USP36: variants seen among roughly 807,000 people sequenced by gnomAD.
The protein encoded by USP36 is ubiquitin specific peptidase 36.
In USP36, 59 loss-of-function variants were observed where a neutral mutation model predicts 111.5. That is an observed-to-expected ratio of 0.53 (90% CI 0.43 to 0.66). The LOEUF (loss-of-function observed/expected upper bound fraction) is 0.66, where lower values mean the gene tolerates loss of function less well. USP36 is among the 30% of genes least tolerant of loss of function. The probability of loss-of-function intolerance (pLI) is 0.00; values close to 1 mark genes in which losing one functional copy is unlikely to be tolerated. For missense variants in USP36, 1,488 were observed against 1,468.0 expected (o/e 1.01, Z -0.22); for synonymous variants, 628 against 581.0 (o/e 1.08, Z -1.16).
In USP36 at chr17:78,802,616, T is replaced by C. The variant is rs534704803; in HGVS notation, c.2811-81A>G. ...AGCGCACAGACACCCGCCTGCAACA[T>C]GGAGAAGGTGCCACCCCAGCTGTGA... On this transcript the variant is annotated intron_variant, in intron 16 of 20. Coordinates refer to ENST00000449938, the MANE Select transcript of USP36 (RefSeq NM_001385174.1). 1.6e-3 allele frequency: 2,260 copies of C among 1,382,068 alleles called. 4 individuals are homozygous for C. Among genetic ancestry groups the C allele is most frequent in the Non-Finnish European group, 1.9e-3 (1,982 of 1,020,538 alleles). 85.6% of individuals were successfully genotyped at this position (1,382,068 alleles called of 1,614,324 possible).
intron 13 of USP36, among the ~76,000 whole-genome samples, chr17:78,809,975 T>C (rs1312050306): frequency 1.3e-5 from 2 of 152,114 alleles, no homozygotes; most frequent in East Asian, 1.9e-4. Context: ...GCCTCTCGAA[T>C]AGCTGGGATT....
intron 4 of USP36, among the ~76,000 whole-genome samples, chr17:78,833,577 A>G (rs2068357675): frequency 6.6e-6 from 1 of 152,176 alleles, no homozygotes; most frequent in African/African-American, 2.4e-5. Context: ...GACCAGGGAC[A>G]TTCTCAAAAA....
At chr17:78,811,840 C>T (rs2094065756) in intron 13 of USP36, among the ~76,000 whole-genome samples, 1 of 151,936 alleles carries the variant, frequency 6.6e-6, no homozygotes, top group Non-Finnish European at 1.5e-5. Flanking sequence ...TGCACTCCAG[C>T]CTGGGCGACA....
chr17:78,802,738 C>T (rs561079254), intron 16 of USP36, among the ~76,000 whole-genome samples: 3 of 152,158 alleles, frequency 2.0e-5, no homozygotes, highest in East Asian at 1.9e-4. Flanking sequence ...AAACCAGTCG[C>T]GTTTCCCATC....
In USP36 at chr17:78,803,196, C is replaced by T. The variant is rs2093799697; in HGVS notation, c.2810+189G>A. ...AAGTGATCCACCCGCCTCAGCCTCC[C>T]AAAGTGCTAGGATTACAGGTGTGAG... On this transcript the variant is annotated intron_variant, in intron 16 of 20. Coordinates refer to ENST00000449938, the MANE Select transcript of USP36 (RefSeq NM_001385174.1). The surrounding 1 kb of genome is among the most constrained non-coding windows in gnomAD (Gnocchi z 4.6). Among the ~76,000 whole-genome samples, 1 of 152,122 alleles carries T rather than the reference C, an allele frequency of 6.6e-6. No individual in the cohort carries two copies. The highest frequency in any genetic ancestry group is 6.6e-5 in the Admixed American group (1 of 15,264).
chr17:78,794,643 G>T (rs927722118), downstream of USP36, among the ~76,000 whole-genome samples: 4 of 152,190 alleles, frequency 2.6e-5, no homozygotes, highest in African/African-American at 7.2e-5. Flanking sequence ...GGAAAAGCCT[G>T]TCAGGCGCGG....
intron 4 of USP36, among the ~76,000 whole-genome samples, chr17:78,831,558 A>G (rs965962645): frequency 2.0e-5 from 3 of 152,124 alleles, no homozygotes; most frequent in Non-Finnish European, 2.9e-5. Context: ...GGTTGCAGTG[A>G]GCCGAGACTG....
At chr17:78,831,962 A>AG (rs398031703) in intron 4 of USP36, among the ~76,000 whole-genome samples, 1 of 151,072 alleles carries the variant, frequency 6.6e-6, no homozygotes, top group Non-Finnish European at 1.5e-5. Flanking sequence ...AAAAAAAAAA[A>AG]GCTTCTTTCA....
At chr17:78,799,553 C>T (rs1056371731) in intron 18 of USP36, 114 bp downstream of exon 18, 18 of 907,524 alleles carry the variant, frequency 2.0e-5, no homozygotes, top group Non-Finnish European at 3.1e-5. Flanking sequence ...ATTCTCAAAG[C>T]CGAGCGATGC....
Position 78,838,371 on chromosome 17 carries a change from C to CAAAAAAAAAA in USP36, c.-10+206_-10+215dup, listed in dbSNP as rs1195525371. ...TGGGCAACAGAGCAAGACTTGGTCT[C>CAAAAAAAAAA]AAAAAAAAAAAAAAACAAAAAACAA... On this transcript the variant is annotated intron_variant, in intron 2 of 20. Transcript: ENST00000449938. Among the ~76,000 whole-genome samples the CAAAAAAAAAA allele has an allele frequency of 3.2e-4, 19 of 58,494 alleles. 2 individuals are homozygous for CAAAAAAAAAA. Among genetic ancestry groups the CAAAAAAAAAA allele is most frequent in the African/African-American group, 9.8e-4 (17 of 17,392 alleles). 38.4% of individuals were successfully genotyped at this position (58,494 alleles called of 152,430 possible). A position where few individuals can be genotyped will look rare whatever the true frequency, so the allele number is the denominator to read the frequency against.
At chr17:78,835,913 T>A (rs1453763997) in intron 3 of USP36, 198 bp downstream of exon 3, 2 of 768,630 alleles carry the variant, frequency 2.6e-6, no homozygotes, top group East Asian at 5.4e-5. Flanking sequence ...AGTACACAGA[T>A]CCACCAAGCA....
Position 78,799,704 on chromosome 17 carries a change from C to T in USP36, c.3087G>A (p.Leu1029=). 6.2e-7 allele frequency: 1 copy of T among 1,613,192 alleles called. No homozygotes were observed. The highest frequency in any genetic ancestry group is 1.3e-5 in the African/African-American group (1 of 74,968). The change falls in exon 18 of 21, where the codon CTG becomes CTA. Residue 1029 remains leucine, a synonymous_variant. Coordinates refer to ENST00000449938, the MANE Select transcript of USP36 (RefSeq NM_001385174.1). Reference sequence around the variant, plus strand: ...AAGCTTTATCAGATGAGTATTTGAGCAGTTCCTGGACCACATCAGACTCCC... The same window carrying T: ...AAGCTTTATCAGATGAGTATTTGAGTAGTTCCTGGACCACATCAGACTCCC... ...GERESDVVQE[L]LKYSSDKAYG... is the part of the protein sequence containing the mutation.
chr17:78,813,089 G>T, intron 12 of USP36, 88 bp from the exon 13 acceptor site: 1 of 1,538,474 alleles, frequency 6.5e-7, no homozygotes, highest in Non-Finnish European at 8.9e-7. Flanking sequence ...CGGGGCAAAG[G>T]CAGAAACACG....
intron 13 of USP36, among the ~76,000 whole-genome samples, chr17:78,809,314 TC>T (rs2093991964): frequency 6.6e-6 from 1 of 152,200 alleles, no homozygotes; most frequent in African/African-American, 2.4e-5. Context: ...TCTATTTTCT[TC>T]CAAGTTTTGT....
Position 78,827,240 on chromosome 17 carries a change from C to A in USP36, c.689+5G>T, listed in dbSNP as rs769800839. 1 of 1,611,472 alleles carries A rather than the reference C, an allele frequency of 6.2e-7. No homozygotes were observed. The highest frequency in any genetic ancestry group is 8.5e-7 in the Non-Finnish European group (1 of 1,179,554). On this transcript the variant is annotated splice_donor_5th_base_variant and intron_variant, in intron 6 of 20. Transcript: ENST00000449938. ...CCCTGGGAGGGTGGGTGGGGAAGCA[C>A]GCACTTGGCACAGCCATTCAGGCAG...
In USP36 at chr17:78,810,776, G is replaced by C. The variant is rs1475582819; in HGVS notation, c.1407+2084C>G. ...AAAGGCCCTGACTGCCTGTGTGTGG[G>C]GTTCAACTCTTCATTCTAAAGGGAG... On this transcript the variant is annotated intron_variant, in intron 13 of 20. Transcript: ENST00000449938. Among the ~76,000 whole-genome samples, 5 of 152,188 alleles carry C rather than the reference G, an allele frequency of 3.3e-5. No individual in the cohort carries two copies. In the East Asian group the frequency reaches 9.6e-4, roughly 29 times the overall value.
At position 78,819,399 on chromosome 17, in the gene USP36, C is replaced by G. The variant is rs140862933; in HGVS notation, c.911+531G>C. 1.9e-3 allele frequency among the ~76,000 whole-genome samples: 289 copies of G among 152,334 alleles called. 3 individuals are homozygous for G. The highest frequency in any genetic ancestry group is 6.6e-3 in the African/African-American group (274 of 41,572). On this transcript the variant is annotated intron_variant, in intron 9 of 20. Coordinates refer to ENST00000449938, the MANE Select transcript of USP36 (RefSeq NM_001385174.1). ...CCAGCCTGGCCAACAAGGTGAAACCCTGTCACTACTAAAAATGCAACAAAT... is the reference window on the plus strand; with the variant it reads ...CCAGCCTGGCCAACAAGGTGAAACCGTGTCACTACTAAAAATGCAACAAAT...
At chr17:78,805,288 A>G (rs1306071471) in intron 15 of USP36, among the ~76,000 whole-genome samples, 1 of 152,200 alleles carries the variant, frequency 6.6e-6, no homozygotes, top group Non-Finnish European at 1.5e-5. Flanking sequence ...AAAGCTTATA[A>G]GGCAAGAAAC....
In USP36 at chr17:78,803,651, C is replaced by T. The variant is rs1416567373; in HGVS notation, c.2544G>A (p.Lys848=). 6.2e-7 allele frequency: 1 copy of T among 1,609,156 alleles called. No individual in the cohort carries two copies. The highest frequency in any genetic ancestry group is 8.5e-7 in the Non-Finnish European group (1 of 1,178,654). ...CAGCTGTGTCCTCCGGGCGCTTCTTCTTCTTCCTCTTCCTCTTCCCGTGGG... is the reference window on the plus strand; with the variant it reads ...CAGCTGTGTCCTCCGGGCGCTTCTTTTTCTTCCTCTTCCTCTTCCCGTGGG... ...AAPHGKRKRK[K]KKRPEDTAAS... is the part of the protein sequence containing the mutation. The change falls in exon 16 of 21, where the codon AAG becomes AAA. Residue 848 remains lysine (K), a synonymous_variant. Coordinates refer to ENST00000449938, the MANE Select transcript of USP36 (RefSeq NM_001385174.1). This position sits in a 1 kb window ranked among gnomAD's most constrained non-coding sequence, Gnocchi z 4.6.
Sources: gnomAD v4.1 joint callset for allele counts (sites outside exome capture counted in the v4.1 genomes callset) on GRCh38, gnomAD v4.1.1 for gene constraint, Gnocchi (gnomAD v3.1) non-coding constraint, MANE v1.5 for transcripts, NCBI Gene and HGNC (gene_info 2026-07-23, HGNC 2026-07-21) for gene names.